TMPRSS11E: variants seen among roughly 807,000 people sequenced by gnomAD.
TMPRSS11E encodes the protein transmembrane protease serine 11E.
TMPRSS11E carries 38 observed loss-of-function variants against 48.1 expected under a neutral mutation model. The observed-to-expected ratio is 0.79, with a 90% confidence interval of 0.61 to 1.04. TMPRSS11E has a LOEUF of 1.04. Among genes scored for constraint, TMPRSS11E ranks in the 50% least tolerant of loss-of-function variants. TMPRSS11E has a pLI of 0.00. For missense variants in TMPRSS11E, 530 were observed against 510.8 expected, an observed-to-expected ratio of 1.04 and a Z score of -0.36; for synonymous variants, 158 against 171.9, an observed-to-expected ratio of 0.92 and a Z score of 0.63.
intron 5 of TMPRSS11E, among the ~76,000 whole-genome samples, chr4:68,474,214 CATT>C (rs1729149486): frequency 6.6e-6 from 1 of 152,048 alleles, no homozygotes; most frequent in Non-Finnish European, 1.5e-5. Flanking sequence ...AAAAGGGTAA[CATT>C]GTTTTTAACT....
chr4:68,478,402 C>T (rs1330223296), intron 8 of TMPRSS11E, among the ~76,000 whole-genome samples: 3 of 144,960 alleles, frequency 2.1e-5, no homozygotes, highest in Non-Finnish European at 4.5e-5. Context: ...CCTCGGCCTC[C>T]GAAAGTGCTG....
chr4:68,458,146 A>C (rs1411041127), intron 1 of TMPRSS11E, among the ~76,000 whole-genome samples: 1 of 152,106 alleles, frequency 6.6e-6, no homozygotes, highest in Non-Finnish European at 1.5e-5. Context: ...TCTTCTGGTA[A>C]ATTTTTCTTT....
intron 1 of TMPRSS11E, among the ~76,000 whole-genome samples, chr4:68,452,693 C>G (rs1320507407): frequency 1.3e-5 from 2 of 151,958 alleles, no homozygotes; most frequent in African/African-American, 4.8e-5. Context: ...CAAAAAATTA[C>G]TTTATCTTAG....
intron 9 of TMPRSS11E, 41 bp from the exon 10 acceptor site, chr4:68,496,602 G>T: frequency 6.3e-7 from 1 of 1,578,854 alleles, no homozygotes. Flanking sequence ...CCTCTGTAAT[G>T]AACTGAATTA....
intron 9 of TMPRSS11E, among the ~76,000 whole-genome samples, chr4:68,482,729 A>G (rs754364572): frequency 3.3e-5 from 5 of 151,760 alleles, no homozygotes; most frequent in African/African-American, 4.8e-5. Flanking sequence ...CTGTGATCGC[A>G]CCACTGCAGT....
intron 1 of TMPRSS11E, among the ~76,000 whole-genome samples, chr4:68,451,400 G>T (rs1244703729): frequency 6.6e-6 from 1 of 151,892 alleles, no homozygotes; most frequent in South Asian, 2.1e-4. Flanking sequence ...ACTGAGTCAT[G>T]CCAGAACCTG....
intron 4 of TMPRSS11E, among the ~76,000 whole-genome samples, chr4:68,471,004 A>G (rs998298604): frequency 6.6e-6 from 1 of 151,876 alleles, no homozygotes; most frequent in Non-Finnish European, 1.5e-5. Context: ...ATGGTTTTTG[A>G]CAAGGTGTCT....
In TMPRSS11E at chr4:68,447,532, G is replaced by A. The variant is rs1314845849; in HGVS notation, c.11+9G>A. Reference sequence around the variant, plus strand: ...TTGGCAATGATGTATCGGTGAGTTAGTTCCCTTTTTCTTTCTAGAAGTCTT... The same window carrying A: ...TTGGCAATGATGTATCGGTGAGTTAATTCCCTTTTTCTTTCTAGAAGTCTT... On this transcript the variant is annotated intron_variant, in intron 1 of 9. Transcript: ENST00000305363. 2 of 1,607,078 alleles carry A rather than the reference G, an allele frequency of 1.2e-6. No individual in the cohort carries two copies. Among genetic ancestry groups the A allele is most frequent in the Non-Finnish European group, 1.7e-6 (2 of 1,176,164 alleles).
At chr4:68,449,196 C>G (rs752256331) in intron 1 of TMPRSS11E, among the ~76,000 whole-genome samples, 1 of 151,226 alleles carries the variant, frequency 6.6e-6, no homozygotes, top group Non-Finnish European at 1.5e-5. Flanking sequence ...CTTGTACTGC[C>G]ATTTTCTCCA....
chr4:68,456,688 A>G (rs1056003120), intron 1 of TMPRSS11E, among the ~76,000 whole-genome samples: 26 of 152,042 alleles, frequency 1.7e-4, no homozygotes, highest in Admixed American at 5.9e-4. Flanking sequence ...GGTCAAATAC[A>G]TATCATATGC....
intron 1 of TMPRSS11E, among the ~76,000 whole-genome samples, chr4:68,448,751 C>A (rs143953952): frequency 0.14 from 21,516 of 151,694 alleles, 1,911 homozygotes; most frequent in Middle Eastern, 0.21. Context: ...ATGGAAAAAA[C>A]CAAAAACCAA....
intron 1 of TMPRSS11E, among the ~76,000 whole-genome samples, chr4:68,460,263 G>A (rs193029987): frequency 1.3e-5 from 2 of 152,208 alleles, no homozygotes; most frequent in Admixed American, 6.5e-5. Context: ...TCTAATGATG[G>A]TGTGACAGGG....
chr4:68,481,680 T>C (rs1392668015), intron 9 of TMPRSS11E, among the ~76,000 whole-genome samples: 2 of 152,152 alleles, frequency 1.3e-5, no homozygotes, highest in Non-Finnish European at 2.9e-5. Flanking sequence ...TCGGGAATGG[T>C]GGCTCATGCA....
At chr4:68,452,335 G>T (rs986566887) in intron 1 of TMPRSS11E, among the ~76,000 whole-genome samples, 10 of 151,832 alleles carry the variant, frequency 6.6e-5, no homozygotes, top group African/African-American at 2.4e-4. Context: ...ATTAAATTTT[G>T]TCAGGTCACA....
At chr4:68,466,841 T>C in intron 3 of TMPRSS11E, 89 bp downstream of exon 3, 1 of 1,517,676 alleles carries the variant, frequency 6.6e-7, no homozygotes, top group South Asian at 1.2e-5. Flanking sequence ...TCCATTCAAC[T>C]AACGGATCCC....
rs570874255 is a variant in TMPRSS11E at position 68,485,627 on chromosome 4, C to G, written c.1110+6636C>G. Among the ~76,000 whole-genome samples the G allele has an allele frequency of 7.9e-5, 12 of 152,262 alleles. No individual in the cohort carries two copies. In the East Asian group the frequency reaches 2.3e-3, roughly 29 times the overall value. ...GAAGTTTTCTCTTTTTGTTGTGTCT[C>G]TTCCAGGTTTTGGTATCAGAAAAAC... is the stretch of plus-strand genomic sequence containing the variant. On this transcript the variant is annotated intron_variant, in intron 9 of 9. Transcript: ENST00000305363.
At chr4:68,451,060 C>T (rs1026156276) in intron 1 of TMPRSS11E, among the ~76,000 whole-genome samples, 1 of 151,728 alleles carries the variant, frequency 6.6e-6, no homozygotes, top group Non-Finnish European at 1.5e-5. Flanking sequence ...CGTGTGTTTC[C>T]GTATTAGCAC....
At chr4:68,476,934 A>C (rs771499666) in intron 7 of TMPRSS11E, among the ~76,000 whole-genome samples, 4 of 152,242 alleles carry the variant, frequency 2.6e-5, no homozygotes, top group Non-Finnish European at 4.4e-5. Flanking sequence ...GGACCCTTCA[A>C]TCTATTGTCA....
In TMPRSS11E at chr4:68,477,498, T is replaced by A; in HGVS notation, c.837T>A (p.Ser279=). The change falls in exon 8 of 10, where the codon TCT becomes TCA. Residue 279 remains serine, a synonymous_variant. Transcript: ENST00000305363. ...ACCCATCACATGACTATGATATTTC[T>A]CTTGCAGAGCTTTCTAGCCCTGTTC... The part of the protein sequence containing the change: ...YKHPSHDYDI[S]LAELSSPVPY... 1 of 1,614,014 alleles carries A rather than the reference T, an allele frequency of 6.2e-7. No individual in the cohort carries two copies. Among genetic ancestry groups the A allele is most frequent in the Non-Finnish European group, 8.5e-7 (1 of 1,179,976 alleles).
Sources: allele counts gnomAD v4.1 joint callset (sites outside exome capture counted in the v4.1 genomes callset), GRCh38; gene constraint gnomAD v4.1.1; transcripts MANE v1.5; gene names NCBI Gene and HGNC (gene_info 2026-07-23, HGNC 2026-07-21).